WDR11: variants seen among roughly 807,000 people sequenced by gnomAD.
WDR11 encodes WD repeat domain 11.
WDR11 carries 83 observed loss-of-function variants against 151.2 expected under a neutral mutation model. The ratio of observed to expected loss-of-function variants is 0.55; its 90% CI spans 0.46 to 0.66. The LOEUF is 0.66. Among genes scored for constraint, WDR11 ranks in the 30% least tolerant of loss-of-function variants. The pLI, the probability that WDR11 is intolerant of heterozygous loss-of-function variation, is 0.00. For synonymous variants in WDR11, 484 were observed against 533.1 expected (o/e 0.91, Z 1.27); for missense variants, 1,301 against 1,480.9 (o/e 0.88, Z 1.99).
intron 19 of WDR11, among the ~76,000 whole-genome samples, chr10:120,891,332 G>A (rs1297120505): frequency 6.6e-6 from 1 of 152,152 alleles, no homozygotes; most frequent in Non-Finnish European, 1.5e-5. Flanking sequence ...ATGCCAATCT[G>A]TGACTAGTAA....
chr10:120,887,802 A>G (rs1478108830), intron 16 of WDR11, among the ~76,000 whole-genome samples: 1 of 152,236 alleles, frequency 6.6e-6, no homozygotes, highest in Admixed American at 6.5e-5. Context: ...AGGAAGTTGC[A>G]GAGTCTATTA....
rs767465830 is a variant in WDR11, at chr10:120,886,658, C to A, written c.1974-31C>A. The A allele has an allele frequency of 8.1e-6, 13 of 1,597,230 alleles. No homozygotes were observed. In the South Asian group the frequency reaches 1.3e-4, roughly 16 times the overall value. On this transcript the variant is annotated intron_variant, in intron 15 of 28. Coordinates refer to ENST00000263461, the MANE Select transcript of WDR11 (RefSeq NM_018117.12). ...AGTATCACTCTAGGGGAAAAAAAAA[C>A]ATCTTTATCATATGTTTCACTATCC...
chr10:120,904,520 A>C (rs1439051474), intron 24 of WDR11, 126 bp from the exon 25 acceptor site: 1 of 1,205,172 alleles, frequency 8.3e-7, no homozygotes, highest in Non-Finnish European at 1.2e-6. Context: ...TTGTATTTGT[A>C]AACAAAATAT....
At chr10:120,881,944 A>G (rs1337133554) in intron 13 of WDR11, among the ~76,000 whole-genome samples, 1 of 152,066 alleles carries the variant, frequency 6.6e-6, no homozygotes, top group African/African-American at 2.4e-5. Flanking sequence ...CTTATGGAGA[A>G]AGCATTCAGT....
chr10:120,897,599 G>A (rs1043088363), intron 19 of WDR11, among the ~76,000 whole-genome samples: 6 of 152,212 alleles, frequency 3.9e-5, no homozygotes, highest in South Asian at 2.1e-4. Flanking sequence ...TGTTTAACCC[G>A]AATCTGATAA....
In WDR11 at chr10:120,886,789, A is replaced by G; in HGVS notation, c.2074A>G (p.Thr692Ala). Residue 692 changes from threonine (T) to alanine (A), a missense_variant, in exon 16 of 29, where the codon ACT (threonine) becomes GCT (alanine). Physicochemically the swap from Thr to Ala is moderately conservative, Grantham distance 58 (BLOSUM62 0). Transcript: ENST00000263461. ...TATTGATGGCCAAGTGTATCATCTC[A>G]CTGTTGAAGGAAACTCAGTAAAAGA... ...TDIDGQVYHL[T>A]VEGNSVKDSA... The G allele has an allele frequency of 1.2e-6, 2 of 1,613,754 alleles. No individual in the cohort carries two copies. The highest frequency in any genetic ancestry group is 1.7e-6 in the Non-Finnish European group (2 of 1,179,712).
intron 22 of WDR11, 40 bp downstream of exon 22, chr10:120,902,362 T>G: frequency 6.4e-7 from 1 of 1,551,362 alleles, no homozygotes; most frequent in Non-Finnish European, 8.9e-7. Context: ...AGACAGGATT[T>G]CAAGTTAACT....
rs539030819 is a variant in WDR11, at chr10:120,888,551, T to G, written c.2122-527T>G. 2.3e-4 allele frequency among the ~76,000 whole-genome samples: 35 copies of G among 152,392 alleles called. No homozygotes were observed. In the East Asian group the frequency reaches 6.5e-3, roughly 29 times the overall value. ...TTCTGAGCAAAGCTTTCTGTGAATT[T>G]AAACTGCATATGCCTTTAGTAAACA... On this transcript the variant is annotated intron_variant, in intron 16 of 28. Coordinates refer to ENST00000263461, the MANE Select transcript of WDR11 (RefSeq NM_018117.12).
chr10:120,863,830 C>G (rs12263051), intron 5 of WDR11, among the ~76,000 whole-genome samples: 1 of 151,818 alleles, frequency 6.6e-6, no homozygotes, highest in South Asian at 2.1e-4. Context: ...AGTATCACTT[C>G]TATATATTAA....
Position 120,900,058 on chromosome 10 carries a change from C to T in WDR11, c.2545C>T (p.Pro849Ser). The T allele has an allele frequency of 6.2e-7, 1 of 1,614,052 alleles. No homozygotes were observed. The highest frequency in any genetic ancestry group is 8.5e-7 in the Non-Finnish European group (1 of 1,179,964). The change falls in exon 20 of 29, where the codon CCA becomes TCA. Residue 849 changes from proline to serine, a missense_variant. Transcript: ENST00000263461. ...EPVWCPYLLV[P>S]RASLALKAFL... is the part of the protein sequence containing the mutation. ...TGTGTGGTGCCCCTATCTCCTTGTT[C>T]CAAGGGCCTCTCTTGCCTTGAAAGC...
intron 18 of WDR11, 65 bp downstream of exon 18, chr10:120,890,074 A>G: frequency 8.7e-7 from 1 of 1,146,776 alleles, no homozygotes; most frequent in Non-Finnish European, 1.3e-6. Context: ...TGCTTTGTTA[A>G]AAAACTTCTT....
intron 15 of WDR11, among the ~76,000 whole-genome samples, chr10:120,886,420 G>T (rs1419332101): frequency 1.3e-5 from 2 of 152,120 alleles, no homozygotes; most frequent in African/African-American, 2.4e-5. Flanking sequence ...CAGTTCTATA[G>T]CCAAAATCTC....
intron 2 of WDR11, among the ~76,000 whole-genome samples, chr10:120,856,937 C>T (rs534436046): frequency 6.6e-6 from 1 of 152,214 alleles, no homozygotes. Flanking sequence ...TCTTGTGAGG[C>T]TCTGGTCACA....
intron 10 of WDR11, 136 bp downstream of exon 10, chr10:120,871,482 C>A: frequency 1.2e-6 from 1 of 838,110 alleles, no homozygotes; most frequent in Non-Finnish European, 1.7e-6. Context: ...TGTAAATACT[C>A]ATCCTGGAAC....
chr10:120,906,138 A>G, intron 27 of WDR11, 117 bp downstream of exon 27: 1 of 1,579,306 alleles, frequency 6.3e-7, no homozygotes. Context: ...AGAAGTATAC[A>G]TTTCAGGTTT....
At chr10:120,877,445 A>G (rs1846833928) in intron 11 of WDR11, among the ~76,000 whole-genome samples, 1 of 152,152 alleles carries the variant, frequency 6.6e-6, no homozygotes, top group Non-Finnish European at 1.5e-5. Flanking sequence ...AAAGCCATTA[A>G]GAAAATTTCA....
At chr10:120,864,417 C>T (rs1325962068) in intron 5 of WDR11, among the ~76,000 whole-genome samples, 1 of 152,128 alleles carries the variant, frequency 6.6e-6, no homozygotes, top group African/African-American at 2.4e-5. Flanking sequence ...ATGTATGCAA[C>T]AATCACAAAT....
chr10:120,870,948 G>C (rs1846515500), intron 9 of WDR11, among the ~76,000 whole-genome samples: 1 of 152,128 alleles, frequency 6.6e-6, no homozygotes, highest in African/African-American at 2.4e-5. Context: ...TGGATAGCAG[G>C]ACTCGGGAGT....
chr10:120,898,176 T>G (rs1847680819), intron 19 of WDR11, among the ~76,000 whole-genome samples: 1 of 152,220 alleles, frequency 6.6e-6, no homozygotes, highest in African/African-American at 2.4e-5. Context: ...GTATTAAAAG[T>G]TACTAGTGAG....
Sources: allele counts gnomAD v4.1 joint callset (sites outside exome capture counted in the v4.1 genomes callset), GRCh38; gene constraint gnomAD v4.1.1; transcripts MANE v1.5; gene names NCBI Gene and HGNC (gene_info 2026-07-23, HGNC 2026-07-21).